NEDD9: variants seen among roughly 807,000 people sequenced by gnomAD.
NEDD9 encodes the protein enhancer of filamentation 1.
In NEDD9, 26 loss-of-function variants were observed where a neutral mutation model predicts 76.6. The ratio of observed to expected loss-of-function variants is 0.34; its 90% CI spans 0.25 to 0.47. The LOEUF (loss-of-function observed/expected upper bound fraction) is 0.47, where lower values mean the gene tolerates loss of function less well. Ranked by LOEUF, NEDD9 falls within the 20% of genes least tolerant of loss-of-function variation. The probability of loss-of-function intolerance (pLI) is 1.00; values close to 1 mark genes in which losing one functional copy is unlikely to be tolerated. For synonymous variants in NEDD9, 392 were observed against 414.2 expected, an observed-to-expected ratio of 0.95 and a Z score of 0.65; for missense variants, 937 against 1,058.5, an observed-to-expected ratio of 0.89 and a Z score of 1.59.
intron 3 of NEDD9, among the ~76,000 whole-genome samples, chr6:11,283,893 C>A (rs760425580): frequency 2.0e-5 from 3 of 152,088 alleles, no homozygotes; most frequent in African/African-American, 7.2e-5. Context: ...ATGAGAGGCA[C>A]ACAGAGCCTT....
At chr6:11,379,875 A>G (rs762576383) in intron 1 of NEDD9, among the ~76,000 whole-genome samples, 4 of 152,210 alleles carry the variant, frequency 2.6e-5, no homozygotes, top group Non-Finnish European at 4.4e-5. Context: ...TGCTCTATCT[A>G]TGTATCTTGT....
At chr6:11,272,613 G>C (rs1204327390) in intron 3 of NEDD9, among the ~76,000 whole-genome samples, 2 of 152,278 alleles carry the variant, frequency 1.3e-5, no homozygotes, top group African/African-American at 4.8e-5. Context: ...ACTAATAGTA[G>C]AAGGTGTGTT....
rs77251569 is a variant in NEDD9, at chr6:11,310,593, C to T, written c.-152-4438G>A. Among the ~76,000 whole-genome samples, 613 of 152,298 alleles carry T rather than the reference C, an allele frequency of 4.0e-3. 6 individuals carry two copies. In the East Asian group the frequency reaches 0.052, roughly 13 times the overall value. ...GCCTTCTGTAGTTCCCTGGCCAGCT[C>T]ACCCTCCTCTTCTCCTATTTTTCTA... On this transcript the variant is annotated intron_variant, in intron 2 of 3. Coordinates refer to the NEDD9 transcript ENST00000397378.
rs571149229 is a variant in NEDD9 at position 11,259,891 on chromosome 6, C to T, written c.12+46101G>A. 1.5e-4 allele frequency among the ~76,000 whole-genome samples: 22 copies of T among 150,346 alleles called. No homozygotes were observed. The South Asian group carries it at 4.4e-3, about 30-fold the overall frequency. The stretch of plus-strand genomic sequence containing the variant: ...TTGAGAGATCAGATTAGATGGTTGT[C>T]TGCATGGTATGGTACGAGTAGTGCA... On this transcript the variant is annotated intron_variant, in intron 3 of 3. Coordinates refer to the NEDD9 transcript ENST00000397378.
At chr6:11,217,509 C>G (rs959566417) in intron 1 of NEDD9, among the ~76,000 whole-genome samples, 2 of 152,214 alleles carry the variant, frequency 1.3e-5, no homozygotes, top group Non-Finnish European at 2.9e-5. Context: ...GATGGTTAGT[C>G]TCCAAAGGCT....
intron 1 of NEDD9, among the ~76,000 whole-genome samples, chr6:11,336,447 G>T (rs916099037): frequency 6.6e-6 from 1 of 152,080 alleles, no homozygotes; most frequent in African/African-American, 2.4e-5. Flanking sequence ...GCAACACAAT[G>T]GTAAGTATTT....
At chr6:11,356,483 T>C (rs972408811) in intron 1 of NEDD9, among the ~76,000 whole-genome samples, 10 of 152,206 alleles carry the variant, frequency 6.6e-5, no homozygotes, top group African/African-American at 2.4e-4. Context: ...GGACACATCA[T>C]TGTTTGAGAC....
rs2094175 is a variant in NEDD9, at chr6:11,225,722, G to T, written c.12+6782C>A. Among the ~76,000 whole-genome samples, 225 of 151,474 alleles carry T rather than the reference G, an allele frequency of 1.5e-3. 1 individual carries two copies. Among genetic ancestry groups the T allele is most frequent in the African/African-American group, 4.7e-3 (192 of 41,282 alleles). On this transcript the variant is annotated intron_variant, in intron 1 of 6. Coordinates refer to ENST00000379446, the MANE Select transcript of NEDD9 (RefSeq NM_006403.4). ...TTCACCGTGTTAGCCATGATGGTCT[G>T]GATCTCCTGACCTCGTGATCCGCCT...
Position 11,248,187 on chromosome 6 carries a change from C to T in NEDD9, c.13-34460G>A, listed in dbSNP as rs367616981. On this transcript the variant is annotated intron_variant, in intron 3 of 3. Coordinates refer to the NEDD9 transcript ENST00000397378. ...TAAAAAGATGACATATATACCACTG[C>T]TTACTTAAAAAAAATAAAAACAATA... Among the ~76,000 whole-genome samples the T allele has an allele frequency of 2.0e-5, 3 of 149,844 alleles. 1 individual carries two copies. The highest frequency in any genetic ancestry group is 7.4e-5 in the African/African-American group (3 of 40,578).
intron 2 of NEDD9, among the ~76,000 whole-genome samples, chr6:11,310,086 G>C (rs1295757400): frequency 6.6e-6 from 1 of 152,152 alleles, no homozygotes; most frequent in Non-Finnish European, 1.5e-5. Context: ...TCTGAGCGTT[G>C]TGGCAGCACT....
chr6:11,276,647 G>C (rs1760423019), intron 3 of NEDD9, among the ~76,000 whole-genome samples: 1 of 152,138 alleles, frequency 6.6e-6, no homozygotes, highest in African/African-American at 2.4e-5. Flanking sequence ...TTCAAACCCA[G>C]CTCTTTCTGG....
At position 11,190,654 on chromosome 6, in the gene NEDD9, A is replaced by G; in HGVS notation, c.1215T>C (p.Asp405=). The G allele has an allele frequency of 6.2e-7, 1 of 1,614,118 alleles. No homozygotes were observed. The highest frequency in any genetic ancestry group is 8.5e-7 in the Non-Finnish European group (1 of 1,180,010). Residue 405 remains aspartate (D), a synonymous_variant, in exon 5 of 7, where the codon GAT becomes GAC. Coordinates refer to ENST00000379446, the MANE Select transcript of NEDD9 (RefSeq NM_006403.4). This position sits in a 1 kb window ranked among gnomAD's most constrained non-coding sequence, Gnocchi z 5.8. ...SPAQDKRLFL[D]PDTAIERLQR... is the part of the protein sequence containing the mutation. ...GAAGTCTCTCAATAGCTGTGTCTGG[A>G]TCCAGGAAGAGCCTTTTGTCCTGAG...
In NEDD9 at chr6:11,232,591, T is replaced by C. The variant is rs954648044; in HGVS notation, c.-76A>G. 51 of 1,612,678 alleles carry C rather than the reference T, an allele frequency of 3.2e-5. No homozygotes were observed. Among genetic ancestry groups the C allele is most frequent in the South Asian group, 5.5e-5 (5 of 91,054 alleles). ...AAGCACTGCGGTGCCCGCCCCTCCA[T>C]TGAGTGCAGCGCTAGATGAAAGCGA... On this transcript the variant is annotated 5_prime_UTR_variant, in exon 1 of 7. An upstream start codon of the reference 5' UTR is lost. Transcript: ENST00000379446.
intron 3 of NEDD9, among the ~76,000 whole-genome samples, chr6:11,274,706 A>G (rs188309500): frequency 2.8e-4 from 42 of 152,360 alleles, no homozygotes; most frequent in Non-Finnish European, 5.1e-4. Context: ...TAAAGCATGA[A>G]AAAACCAATG....
chr6:11,239,699 C>G (rs528765556), intron 3 of NEDD9, among the ~76,000 whole-genome samples: 1 of 152,252 alleles, frequency 6.6e-6, no homozygotes, highest in South Asian at 2.1e-4. Context: ...TCGTTAGCAA[C>G]AGTGTCCTAG....
intron 3 of NEDD9, among the ~76,000 whole-genome samples, chr6:11,255,664 C>A (rs9380171): frequency 6.6e-6 from 1 of 151,716 alleles, no homozygotes; most frequent in Admixed American, 6.6e-5. Context: ...CCTTAACAGA[C>A]CCCAAAAGGC....
intron 3 of NEDD9, among the ~76,000 whole-genome samples, chr6:11,248,403 C>T (rs757932609): frequency 6.6e-6 from 1 of 152,170 alleles, no homozygotes; most frequent in Non-Finnish European, 1.5e-5. Context: ...AAGGATCTAA[C>T]CAAGGCCCAC....
chr6:11,279,113 G>A (rs1436322439), intron 3 of NEDD9, among the ~76,000 whole-genome samples: 4 of 152,194 alleles, frequency 2.6e-5, no homozygotes, highest in Non-Finnish European at 4.4e-5. Flanking sequence ...CTTTTGGAAA[G>A]TTGTCTTCAC....
rs111605503 is a variant in NEDD9, at chr6:11,321,009, TA to T, written c.-153+13491del. Among the ~76,000 whole-genome samples, 783 of 145,156 alleles carry T rather than the reference TA, an allele frequency of 5.4e-3. 3 individuals are homozygous for T. Among genetic ancestry groups the T allele is most frequent in the African/African-American group, 0.018 (703 of 39,410 alleles). On this transcript the variant is annotated intron_variant, in intron 2 of 3. Coordinates refer to the NEDD9 transcript ENST00000397378. ...TTTAACCATATACCTCTTAAGAGGT[TA>T]AAAAAAAAACCTGTTGAAGCATGTG... is the stretch of plus-strand genomic sequence containing the variant.
Sources: allele counts gnomAD v4.1 joint callset (sites outside exome capture counted in the v4.1 genomes callset), GRCh38; gene constraint gnomAD v4.1.1; non-coding constraint Gnocchi (gnomAD v3.1); transcripts MANE v1.5; gene names NCBI Gene and HGNC (gene_info 2026-07-23, HGNC 2026-07-21).